Variants in GRK6 observed in about 807,000 individuals in gnomAD.
The protein encoded by GRK6 is G protein-coupled receptor kinase 6.
Under a neutral mutation model 80.8 loss-of-function variants are expected in GRK6, and 37 were observed. The observed-to-expected ratio is 0.46, with a 90% CI of 0.35 to 0.60. The LOEUF (loss-of-function observed/expected upper bound fraction) is 0.60. GRK6 is among the 20% of genes least tolerant of loss of function. The probability of loss-of-function intolerance (pLI) is 0.00; values close to 1 mark genes in which losing one functional copy is unlikely to be tolerated. For synonymous variants in GRK6, 295 were observed against 320.9 expected (o/e 0.92, Z 0.86); for missense variants, 560 against 784.6 (o/e 0.71, Z 3.42).
rs1291786462 is a variant in GRK6 at position 177,434,032 on chromosome 5, C to T, written c.857C>T (p.Ala286Val). ...YHMGQAGFPE[A>V]RAVFYAAEIC... ...ATGGGCCAGGCTGGCTTCCCCGAAG[C>T]GCGGGCCGTCTTCTACGCCGCCGAG... Residue 286 changes from alanine to valine, a missense_variant, in exon 9 of 16, where the codon GCG becomes GTG. By Grantham distance (64) the Ala-to-Val change is moderately conservative. Transcript: ENST00000355472. The T allele has an allele frequency of 1.9e-5, 30 of 1,611,656 alleles. No individual in the cohort carries two copies. The highest frequency in any genetic ancestry group is 8.4e-5 in the Admixed American group (5 of 59,838).
intron 13 of GRK6, chr5:177,436,732 G>A (rs1043145601): frequency 2.4e-5 from 14 of 584,362 alleles, no homozygotes; most frequent in Non-Finnish European, 4.2e-5. Flanking sequence ...GGGGCTTGGA[G>A]CCTCTGACAA....
intron 10 of GRK6, 31 bp downstream of exon 10, chr5:177,434,970 TGGGG>T: frequency 9.7e-7 from 1 of 1,031,022 alleles, no homozygotes; most frequent in East Asian, 3.3e-5. Context: ...TGGGTCAGGG[TGGGG>T]TGAGATGCAG....
chr5:177,432,605 C>A, intron 4 of GRK6, 101 bp from the exon 5 acceptor site: 1 of 841,098 alleles, frequency 1.2e-6, no homozygotes, highest in Non-Finnish European at 1.9e-6. Flanking sequence ...TGGCCTGCAG[C>A]CTCTCATGGC....
chr5:177,437,729 CT>C (rs1350217274), intron 13 of GRK6, among the ~76,000 whole-genome samples: 1 of 152,232 alleles, frequency 6.6e-6, no homozygotes, highest in Non-Finnish European at 1.5e-5. Context: ...TTCCCTCCCC[CT>C]GAATTAGGCT....
rs1158133759 is a variant in GRK6, at chr5:177,429,128, C to T, written c.53-1744C>T. Among the ~76,000 whole-genome samples the T allele has an allele frequency of 6.6e-6, 1 of 152,134 alleles. No individual in the cohort carries two copies. Among genetic ancestry groups the T allele is most frequent in the African/African-American group, 2.4e-5 (1 of 41,414 alleles). ...TTGGTCATCTTGGGTGAATTGATTC[C>T]TCACTTCAGAATCTCAGTTTTCATA... On this transcript the variant is annotated intron_variant, in intron 1 of 15. Coordinates refer to ENST00000355472, the MANE Select transcript of GRK6 (RefSeq NM_001004106.3). This position sits in a 1 kb window ranked among gnomAD's most constrained non-coding sequence, Gnocchi z 4.3.
At position 177,442,120 on chromosome 5, in the gene GRK6, G is replaced by A. The variant is rs1261356258; in HGVS notation, c.*330G>A. 1 of 347,570 alleles carries A rather than the reference G, an allele frequency of 2.9e-6. No homozygotes were observed. 21.5% of individuals were successfully genotyped at this position (347,570 alleles called of 1,614,324 possible). On this transcript the variant is annotated 3_prime_UTR_variant, in exon 16 of 16. Transcript: ENST00000355472. ...CTGGCGCCCCCGCCTTGGCTCCTGGGGGCAGCCAGCCCTGGCTGGGAGAGC... is the reference window on the plus strand; with the variant it reads ...CTGGCGCCCCCGCCTTGGCTCCTGGAGGCAGCCAGCCCTGGCTGGGAGAGC...
chr5:177,438,601 A>C (rs1470697691), intron 13 of GRK6: 1 of 152,276 alleles, frequency 6.6e-6, no homozygotes, highest in Non-Finnish European at 1.5e-5. Flanking sequence ...CCGCGAGGAC[A>C]CCTGTGTGGC....
Position 177,441,016 on chromosome 5 carries a change from C to G in GRK6, c.1640C>G (p.Pro547Arg), listed in dbSNP as rs142613356. The G allele has an allele frequency of 3.2e-5, 51 of 1,614,022 alleles. No individual in the cohort carries two copies. Among genetic ancestry groups the G allele is most frequent in the Middle Eastern group, 1.6e-4 (1 of 6,062 alleles). Residue 547 changes from proline (P) to arginine (R), a missense_variant, in exon 15 of 16, where the codon CCT (proline) becomes CGT (arginine). Physicochemically the swap from Pro to Arg is moderately radical, Grantham distance 103. Around this residue, in one of 3 missense-constraint regions of GRK6, gnomAD observed 294 missense variants for 397.4 expected, o/e 0.74. Transcript: ENST00000355472. ...LDWKGQPPAP[P>R]KKGLLQRLFS... ...TGGAAGGGCCAGCCACCTGCACCTCCTAAAAAGGGACTGCTGCAGAGACTC... is the reference window on the plus strand; with the variant it reads ...TGGAAGGGCCAGCCACCTGCACCTCGTAAAAAGGGACTGCTGCAGAGACTC...
At chr5:177,441,168 G>A (rs1483408718) in intron 15 of GRK6, 115 bp downstream of exon 15, 1 of 1,484,750 alleles carries the variant, frequency 6.7e-7, no homozygotes, top group African/African-American at 1.4e-5. Flanking sequence ...GTCCTGTTGT[G>A]GTGCCCAGGG....
intron 13 of GRK6, 172 bp downstream of exon 13, chr5:177,436,702 G>A (rs560432832): frequency 1.8e-4 from 119 of 668,662 alleles, no homozygotes; most frequent in Admixed American, 9.4e-4. Flanking sequence ...GGATGGGTCT[G>A]GCTTGTGGCA....
chr5:177,427,087 C>T (rs1202609963), intron 1 of GRK6, among the ~76,000 whole-genome samples, 190 bp downstream of exon 1: 1 of 151,974 alleles, frequency 6.6e-6, no homozygotes, highest in Non-Finnish European at 1.5e-5. Flanking sequence ...ATTCGGGGCC[C>T]AGGAAGGGGC....
rs1764026336 is a variant in GRK6 at position 177,434,014 on chromosome 5, A to G, written c.839A>G (p.Gln280Arg). ...DLKFHIYHMG[Q>R]AGFPEARAVF... The stretch of plus-strand genomic sequence containing the variant: ...AAGTTCCACATCTACCACATGGGCC[A>G]GGCTGGCTTCCCCGAAGCGCGGGCC... The change falls in exon 9 of 16, where the codon CAG becomes CGG. Residue 280 changes from glutamine to arginine, a missense_variant. This residue lies in a region of GRK6 where 77 missense variants were observed against 156.9 expected (regional missense o/e 0.49). Transcript: ENST00000355472. 1 of 1,612,886 alleles carries G rather than the reference A, an allele frequency of 6.2e-7. No individual in the cohort carries two copies. The highest frequency in any genetic ancestry group is 1.3e-5 in the African/African-American group (1 of 74,912).
intron 5 of GRK6, 148 bp from the exon 6 acceptor site, chr5:177,432,999 G>C (rs1763978608): frequency 1.3e-6 from 1 of 778,596 alleles, no homozygotes; most frequent in South Asian, 1.6e-5. Flanking sequence ...CAGGCTGTGT[G>C]TCTCCCCGCT....
intron 5 of GRK6, 140 bp downstream of exon 5, chr5:177,432,946 G>C (rs1763975699): frequency 1.2e-6 from 1 of 801,914 alleles, no homozygotes; most frequent in Admixed American, 2.3e-5. Flanking sequence ...TGTGTGACCT[G>C]AGCAGGCTGC....
chr5:177,438,437 C>G (rs368127956), intron 13 of GRK6: 2 of 151,912 alleles, frequency 1.3e-5, no homozygotes. Context: ...CGCTTTTAGA[C>G]ACCGTGGTCT....
chr5:177,434,113 G>A lies in GRK6; in HGVS notation c.929+9G>A. ...GAGCGCATCGTGTACAGGTGGGGAG[G>A]GCTCGGCCACCCCAGGGGCTTAGTC... On this transcript the variant is annotated intron_variant, in intron 9 of 15. Coordinates refer to ENST00000355472, the MANE Select transcript of GRK6 (RefSeq NM_001004106.3). 1 of 1,546,664 alleles carries A rather than the reference G, an allele frequency of 6.5e-7. No homozygotes were observed. The highest frequency in any genetic ancestry group is 8.7e-7 in the Non-Finnish European group (1 of 1,147,146).
At chr5:177,427,249 G>C (rs1261276735) in intron 1 of GRK6, among the ~76,000 whole-genome samples, 1 of 152,218 alleles carries the variant, frequency 6.6e-6, no homozygotes, top group Non-Finnish European at 1.5e-5. Flanking sequence ...CCACGTGCCA[G>C]GGGCCCAGAC....
Position 177,432,238 on chromosome 5 carries a change from G to A in GRK6, c.267G>A (p.Glu89=). Residue 89 remains glutamate, a synonymous_variant, in exon 4 of 16, where the codon GAG becomes GAA. Transcript: ENST00000355472. ...RCVAFLDGVA[E]YEVTPDDKRK... ...CTTTGCTTTCCACCCTGCAGGCCGA[G>A]TATGAAGTGACCCCGGATGACAAGC... is the stretch of plus-strand genomic sequence containing the variant. 6.2e-7 allele frequency: 1 copy of A among 1,613,808 alleles called. No homozygotes were observed. The highest frequency in any genetic ancestry group is 8.5e-7 in the Non-Finnish European group (1 of 1,180,006).
chr5:177,435,058 C>T lies in GRK6; in HGVS notation c.994C>T (p.Leu332=), dbSNP rs751736837. 4.3e-6 allele frequency: 7 copies of T among 1,612,786 alleles called. No individual in the cohort carries two copies. Among genetic ancestry groups the T allele is most frequent in the Non-Finnish European group, 5.9e-6 (7 of 1,179,742 alleles). The change falls in exon 11 of 16, where the codon CTA becomes TTA. Residue 332 remains leucine, a synonymous_variant. Transcript: ENST00000355472. The part of the protein sequence containing the change: ...HGHIRISDLG[L]AVHVPEGQTI... ...CCACATCCGCATCTCTGACCTGGGACTAGCTGTGCATGTGCCCGAGGGCCA... is the reference window on the plus strand; with the variant it reads ...CCACATCCGCATCTCTGACCTGGGATTAGCTGTGCATGTGCCCGAGGGCCA...
Sources: gnomAD v4.1 joint callset for allele counts (sites outside exome capture counted in the v4.1 genomes callset) on GRCh38, gnomAD v4.1.1 for gene constraint, gnomAD v4.1.1 regional missense constraint, Gnocchi (gnomAD v3.1) non-coding constraint, MANE v1.5 for transcripts, NCBI Gene and HGNC (gene_info 2026-07-23, HGNC 2026-07-21) for gene names.